DNAJC16: variants seen among roughly 807,000 people sequenced by gnomAD.
The protein encoded by DNAJC16 is DnaJ heat shock protein family (Hsp40) member C16, also known as dnaJ homolog subfamily C member 16.
A neutral mutation model predicts 92.7 loss-of-function variants in DNAJC16; 76 were observed. That is an observed-to-expected ratio of 0.82 (90% CI 0.68 to 0.99). DNAJC16 has a LOEUF of 0.99. DNAJC16 is among the 50% of genes least tolerant of loss of function. The pLI, the probability that DNAJC16 is intolerant of heterozygous loss-of-function variation, is 0.00. For synonymous variants in DNAJC16, 328 were observed against 358.7 expected (o/e 0.91, Z 0.97); for missense variants, 869 against 942.4 (o/e 0.92, Z 1.02).
intron 1 of DNAJC16, among the ~76,000 whole-genome samples, chr1:15,527,696 G>T (rs1710551171): frequency 6.6e-6 from 1 of 152,138 alleles, no homozygotes; most frequent in Admixed American, 6.5e-5. Context: ...TATTCAGCAC[G>T]TATGCAATTT....
intron 7 of DNAJC16, among the ~76,000 whole-genome samples, chr1:15,556,220 GTTGTTTTGTTTTGTT>G (rs76260170): frequency 1.0e-4 from 15 of 149,984 alleles, no homozygotes; most frequent in African/African-American, 3.4e-4. Context: ...ACAGTTGTTG[GTTGTTTTGTTTTGTT>G]TTGTTTTGTT....
intron 7 of DNAJC16, among the ~76,000 whole-genome samples, chr1:15,555,267 G>A (rs1443898876): frequency 1.3e-5 from 2 of 150,966 alleles, no homozygotes; most frequent in South Asian, 2.1e-4. Context: ...TGCTCCTGTA[G>A]TCCCAGCTAC....
chr1:15,549,817 C>CAA (rs777127254), intron 7 of DNAJC16, among the ~76,000 whole-genome samples: 605 of 56,062 alleles, frequency 0.011, 11 homozygotes, highest in African/African-American at 0.031. Flanking sequence ...GACTCCGTCT[C>CAA]AAAAAAAAAA....
At chr1:15,563,010 T>C (rs951887374) in intron 9 of DNAJC16, among the ~76,000 whole-genome samples, 2 of 150,870 alleles carry the variant, frequency 1.3e-5, no homozygotes, top group Non-Finnish European at 2.9e-5. Flanking sequence ...CCCCTCTGCC[T>C]CTTTAACTTC....
At chr1:15,554,981 A>AT (rs1301681032) in intron 7 of DNAJC16, among the ~76,000 whole-genome samples, 2 of 146,136 alleles carry the variant, frequency 1.4e-5, no homozygotes, top group African/African-American at 5.0e-5. Context: ...TGGAAAGAAC[A>AT]TTTTTTTCAA....
chr1:15,535,169 G>A (rs1309452768), intron 3 of DNAJC16, among the ~76,000 whole-genome samples: 1 of 152,192 alleles, frequency 6.6e-6, no homozygotes, highest in Non-Finnish European at 1.5e-5. Flanking sequence ...TAACAGACAA[G>A]GCACTAGACT....
intron 13 of DNAJC16, 195 bp downstream of exon 13, chr1:15,566,375 T>TTCTTTCCTTCTGCC (rs1638808341): frequency 1.8e-6 from 1 of 564,098 alleles, no homozygotes; most frequent in Non-Finnish European, 3.1e-6. Context: ...ATGCCTTAGA[T>TTCTTTCCTTCTGCC]TTCATAATGA....
intron 5 of DNAJC16, among the ~76,000 whole-genome samples, chr1:15,545,480 G>GT (rs1638279450): frequency 6.6e-6 from 1 of 152,218 alleles, no homozygotes; most frequent in Non-Finnish European, 1.5e-5. Flanking sequence ...TAACATAGCC[G>GT]TTTCAAGCAG....
At chr1:15,546,915 C>CTTTTTTTTTTTTTT (rs76961003) in intron 6 of DNAJC16, 44 bp downstream of exon 6, 66 of 907,380 alleles carry the variant, frequency 7.3e-5, no homozygotes, top group South Asian at 2.5e-4. Context: ...CTTTTCTTTT[C>CTTTTTTTTTTTTTT]TTTTTTTTTT....
At chr1:15,561,075 A>G (rs1231290989) in intron 8 of DNAJC16, among the ~76,000 whole-genome samples, 1 of 148,122 alleles carries the variant, frequency 6.8e-6, no homozygotes, top group Non-Finnish European at 1.5e-5. Flanking sequence ...CCTGGCTTCT[A>G]CCCACTCTGG....
chr1:15,541,677 G>T (rs1307307508), intron 4 of DNAJC16, among the ~76,000 whole-genome samples: 1 of 152,090 alleles, frequency 6.6e-6, no homozygotes, highest in Non-Finnish European at 1.5e-5. Context: ...GAAAATAAGC[G>T]CACAAGAGCA....
chr1:15,548,324 T>G lies in DNAJC16; in HGVS notation c.919T>G (p.Leu307Val), dbSNP rs752487776. 4.3e-6 allele frequency: 7 copies of G among 1,614,070 alleles called. No homozygotes were observed. In the Admixed American group the frequency reaches 1.0e-4, roughly 23 times the overall value. ...YLSFGYVYVG[L>V]RGTEEMTRRY... is the part of the protein sequence containing the mutation. The stretch of plus-strand genomic sequence containing the variant: ...ATCATTTGGATATGTATATGTGGGT[T>G]TGAGAGGGACGGAAGAGATGACAAG... Residue 307 changes from leucine (L) to valine (V), a missense_variant, in exon 7 of 15, where the codon TTG becomes GTG. Physicochemically the swap from Leu to Val is conservative, Grantham distance 32 (BLOSUM62 1). Transcript: ENST00000375847.
At chr1:15,536,427 T>C (rs745405689) in intron 3 of DNAJC16, 48 bp from the exon 4 acceptor site, 1 of 1,470,314 alleles carries the variant, frequency 6.8e-7, no homozygotes, top group East Asian at 2.4e-5. Context: ...AAAAAAGTCT[T>C]TTGGATGAAC....
rs1388838483 is a variant in DNAJC16, at chr1:15,570,827, C to A, written c.*2650C>A. 1.3e-5 allele frequency: 2 copies of A among 152,190 alleles called. No homozygotes were observed. The highest frequency in any genetic ancestry group is 3.8e-4 in the East Asian group (2 of 5,200). 9.4% of individuals were successfully genotyped at this position (152,190 alleles called of 1,614,324 possible). A position where few individuals can be genotyped will look rare whatever the true frequency, so the allele number is the denominator to read the frequency against. On this transcript the variant is annotated 3_prime_UTR_variant, in exon 15 of 15. Coordinates refer to ENST00000375847, the MANE Select transcript of DNAJC16 (RefSeq NM_015291.4). ...CCATTGTCATGCTCAGCCTGTGCCA[C>A]CATTGCTCTGTCTGATGTATGTAAT...
intron 7 of DNAJC16, among the ~76,000 whole-genome samples, 159 bp from the exon 8 acceptor site, chr1:15,559,367 T>C (rs1328763026): frequency 6.6e-6 from 1 of 152,238 alleles, no homozygotes; most frequent in African/African-American, 2.4e-5. Context: ...CTGAAATAGA[T>C]CACCACATGT....
intron 6 of DNAJC16, 34 bp downstream of exon 6, chr1:15,546,905 C>CTTTTA: frequency 9.1e-7 from 1 of 1,098,572 alleles, no homozygotes; most frequent in Non-Finnish European, 1.2e-6. Context: ...GTTTCTTTTT[C>CTTTTA]TTTTCTTTTC....
At position 15,563,956 on chromosome 1, in the gene DNAJC16, G is replaced by T. The variant is rs1257242899; in HGVS notation, c.1366G>T (p.Ala456Ser). ...AVSILERRNTAGRVVYKTLED... is the reference protein window; with the variant it reads ...AVSILERRNTSGRVVYKTLED... ...GTCTATTTTAGAAAGGCGCAACACA[G>T]CAGGAAGGGTGGTGTATAAAACCCT... The change falls in exon 10 of 15, where the codon GCA becomes TCA. Residue 456 changes from alanine to serine, a missense_variant. Ala to Ser is a moderately conservative substitution (Grantham distance 99). Transcript: ENST00000375847. 6.2e-7 allele frequency: 1 copy of T among 1,614,040 alleles called. No individual in the cohort carries two copies. The highest frequency in any genetic ancestry group is 2.2e-5 in the East Asian group (1 of 44,880).
chr1:15,566,211 C>T, intron 13 of DNAJC16, 31 bp downstream of exon 13: 1 of 1,562,804 alleles, frequency 6.4e-7, no homozygotes, highest in Non-Finnish European at 8.8e-7. Flanking sequence ...GACTCACCTC[C>T]CCGGCACCTG....
At chr1:15,532,193 A>C (rs1313934438) in intron 2 of DNAJC16, among the ~76,000 whole-genome samples, 2 of 152,188 alleles carry the variant, frequency 1.3e-5, no homozygotes, top group Non-Finnish European at 2.9e-5. Flanking sequence ...ACAGTAAATT[A>C]TTTTGTGTAA....
Sources: gnomAD v4.1 joint callset for allele counts (sites outside exome capture counted in the v4.1 genomes callset) on GRCh38, gnomAD v4.1.1 for gene constraint, MANE v1.5 for transcripts, NCBI Gene and HGNC (gene_info 2026-07-23, HGNC 2026-07-21) for gene names.